WWTR1: variants seen among roughly 807,000 people sequenced by gnomAD.
WWTR1 encodes WW domain containing transcription regulator 1, also known as WW domain-containing transcription regulator protein 1.
In WWTR1, 13 loss-of-function variants were observed where a neutral mutation model predicts 40.1. The observed-to-expected ratio is 0.32, with a 90% CI of 0.21 to 0.52. The LOEUF is 0.52. Ranked by LOEUF, WWTR1 falls within the 20% of genes least tolerant of loss-of-function variation. WWTR1 has a pLI of 0.97. For synonymous variants in WWTR1, 230 were observed against 210.1 expected (o/e 1.09, Z -0.82); for missense variants, 436 against 523.1 (o/e 0.83, Z 1.63).
At chr3:149,533,542 CCTT>C (rs1292124091) in intron 4 of WWTR1, among the ~76,000 whole-genome samples, 2 of 152,198 alleles carry the variant, frequency 1.3e-5, no homozygotes, top group Non-Finnish European at 2.9e-5. Context: ...GCAGGAACTG[CCTT>C]CTTCTCAATT....
chr3:149,539,137 G>C (rs1191281284), intron 4 of WWTR1, among the ~76,000 whole-genome samples: 1 of 152,144 alleles, frequency 6.6e-6, no homozygotes, highest in East Asian at 1.9e-4. Context: ...CATGCAACAA[G>C]GACCAAGGAG....
At chr3:149,580,836 T>C (rs1228207340) in intron 2 of WWTR1, among the ~76,000 whole-genome samples, 1 of 152,046 alleles carries the variant, frequency 6.6e-6, no homozygotes, top group Non-Finnish European at 1.5e-5. Flanking sequence ...TGATCTAAAC[T>C]CTTGACCTCA....
intron 2 of WWTR1, among the ~76,000 whole-genome samples, chr3:149,594,223 T>C (rs1380291765): frequency 6.6e-6 from 1 of 152,202 alleles, no homozygotes; most frequent in Non-Finnish European, 1.5e-5. Flanking sequence ...AGAATTACTC[T>C]GAGGCATTTA....
chr3:149,718,725 T>TTC (rs1258724294), intron 4 of WWTR1, among the ~76,000 whole-genome samples: 4 of 152,226 alleles, frequency 2.6e-5, no homozygotes, highest in African/African-American at 4.8e-5. Context: ...AGTGGGATCA[T>TTC]ATAGTATTTG....
chr3:149,534,211 T>A (rs368460531), intron 4 of WWTR1, among the ~76,000 whole-genome samples: 58 of 152,096 alleles, frequency 3.8e-4, no homozygotes, highest in African/African-American at 1.4e-3. Context: ...AAGAAAAACG[T>A]GTTATTTCAT....
At chr3:149,676,628 A>G (rs1484091712) in intron 1 of WWTR1, among the ~76,000 whole-genome samples, 1 of 152,194 alleles carries the variant, frequency 6.6e-6, no homozygotes, top group Non-Finnish European at 1.5e-5. Context: ...TTATGATGAG[A>G]AAAACAGAGG....
intron 2 of WWTR1, among the ~76,000 whole-genome samples, chr3:149,577,281 T>A (rs1560068480): frequency 6.6e-6 from 1 of 152,110 alleles, no homozygotes; most frequent in Non-Finnish European, 1.5e-5. Flanking sequence ...ATGCTGTTTA[T>A]AAAGAAAAAG....
At position 149,656,902 on chromosome 3, in the gene WWTR1, C is replaced by T. The variant is rs776626171; in HGVS notation, c.405G>A (p.Thr135=). 2 of 1,540,428 alleles carry T rather than the reference C, an allele frequency of 1.3e-6. No homozygotes were observed. Among genetic ancestry groups the T allele is most frequent in the East Asian group, 4.6e-5 (2 of 43,790 alleles). Residue 135 remains threonine, a synonymous_variant, in exon 2 of 7, where the codon ACG becomes ACA. Coordinates refer to ENST00000360632, the MANE Select transcript of WWTR1 (RefSeq NM_015472.6). ...TGAGGAAGTACCTCTGGCCAGTGGC[C>T]GTGAAGGTCATCTCCCAGCCCGGGG... The part of the protein sequence containing the change: ...PLPPGWEMTF[T]ATGQRYFLNH...
rs775931257 is a variant in WWTR1, at chr3:149,657,284, G to T, written c.23C>A (p.Pro8His). The change falls in exon 2 of 7, where the codon CCT (proline) becomes CAT (histidine). Residue 8 changes from proline (P) to histidine (H), a missense_variant. Coordinates refer to ENST00000360632, the MANE Select transcript of WWTR1 (RefSeq NM_015472.6). ...TTGCTGCCCAGGCGGCGGGAGCGGA[G>T]GGGGCGCCGAGGCCGGATTCATCTT... is the stretch of plus-strand genomic sequence containing the variant. MNPASAP[P>H]PLPPPGQQVI... 13 of 1,612,336 alleles carry T rather than the reference G, an allele frequency of 8.1e-6. No homozygotes were observed. In the African/African-American group the frequency reaches 1.6e-4, roughly 20 times the overall value.
intron 2 of WWTR1, among the ~76,000 whole-genome samples, chr3:149,628,934 T>C (rs1711498783): frequency 6.6e-6 from 1 of 151,532 alleles, no homozygotes; most frequent in South Asian, 2.1e-4. Context: ...CCACCCTGCC[T>C]GGCTTTAAAA....
At chr3:149,582,711 C>T (rs1233496282) in intron 2 of WWTR1, among the ~76,000 whole-genome samples, 3 of 151,846 alleles carry the variant, frequency 2.0e-5, no homozygotes, top group Admixed American at 1.3e-4. Context: ...GTGTGGGCGG[C>T]AGAGCAAAAC....
intron 3 of WWTR1, among the ~76,000 whole-genome samples, chr3:149,567,985 C>G (rs112075963): frequency 3.4e-3 from 512 of 152,284 alleles, no homozygotes; most frequent in African/African-American, 0.011. Context: ...TATAACAGAG[C>G]CTGTGTAGGC....
At chr3:149,583,130 G>A (rs997574830) in intron 2 of WWTR1, among the ~76,000 whole-genome samples, 4 of 152,080 alleles carry the variant, frequency 2.6e-5, no homozygotes, top group Non-Finnish European at 4.4e-5. Context: ...CACACCTGAC[G>A]AATTTTTGTA....
chr3:149,530,355 G>GAA (rs11439650), intron 4 of WWTR1, among the ~76,000 whole-genome samples: 28 of 148,632 alleles, frequency 1.9e-4, no homozygotes, highest in South Asian at 4.2e-4. Flanking sequence ...CTCAAAAAAA[G>GAA]AAAAAAAAAA....
intron 2 of WWTR1, among the ~76,000 whole-genome samples, chr3:149,642,683 G>A (rs939203436): frequency 6.6e-6 from 1 of 151,652 alleles, no homozygotes; most frequent in Admixed American, 6.6e-5. Context: ...GCTGAGGCAG[G>A]AGAATGGCCG....
intron 5 of WWTR1, among the ~76,000 whole-genome samples, chr3:149,709,827 C>T (rs1715433837): frequency 1.3e-5 from 2 of 152,102 alleles, no homozygotes; most frequent in African/African-American, 4.8e-5. Flanking sequence ...CTGCTTGAAC[C>T]TGGCAGGCGG....
chr3:149,588,089 C>T (rs747243223), intron 2 of WWTR1, among the ~76,000 whole-genome samples: 12 of 152,196 alleles, frequency 7.9e-5, no homozygotes, highest in South Asian at 2.1e-4. Flanking sequence ...TTTTTAGGTG[C>T]TAAGTATTGC....
intron 2 of WWTR1, among the ~76,000 whole-genome samples, chr3:149,588,285 G>A (rs902961973): frequency 6.6e-6 from 1 of 152,184 alleles, no homozygotes; most frequent in African/African-American, 2.4e-5. Context: ...AAGCCACTCA[G>A]TAAGAACAAC....
intron 1 of WWTR1, among the ~76,000 whole-genome samples, chr3:149,676,400 T>G (rs16862145): frequency 0.014 from 2,099 of 152,228 alleles, 31 homozygotes; most frequent in East Asian, 0.062. Context: ...GAAAATCCAG[T>G]CTCATTTTTA....
Sources: allele counts gnomAD v4.1 joint callset (sites outside exome capture counted in the v4.1 genomes callset), GRCh38; gene constraint gnomAD v4.1.1; transcripts MANE v1.5; gene names NCBI Gene and HGNC (gene_info 2026-07-23, HGNC 2026-07-21).